Variants in NRG3 observed in about 807,000 individuals in gnomAD.
NRG3 encodes the protein pro-neuregulin-3, membrane-bound isoform.
Under a neutral mutation model 66.9 loss-of-function variants are expected in NRG3, and 31 were observed. The observed-to-expected ratio is 0.46, with a 90% CI of 0.35 to 0.63. The LOEUF (loss-of-function observed/expected upper bound fraction) is 0.63. NRG3 is among the 20% of genes least tolerant of loss of function. The pLI, the probability that NRG3 is intolerant of heterozygous loss-of-function variation, is 0.00. For missense variants in NRG3, 910 were observed against 878.9 expected (o/e 1.04, Z -0.45); for synonymous variants, 393 against 359.4 (o/e 1.09, Z -1.06).
chr10:82,053,170 G>A (rs1011292166), intron 1 of NRG3, among the ~76,000 whole-genome samples: 4 of 151,660 alleles, frequency 2.6e-5, no homozygotes, highest in African/African-American at 4.8e-5. Context: ...CAAAAATTGG[G>A]AGACATAGGC....
At chr10:82,681,624 A>G (rs111955772) in intron 2 of NRG3, among the ~76,000 whole-genome samples, 2 of 152,186 alleles carry the variant, frequency 1.3e-5, no homozygotes, top group East Asian at 3.9e-4. Flanking sequence ...GACAAATGTC[A>G]TTTGTCAGTA....
intron 1 of NRG3, among the ~76,000 whole-genome samples, chr10:82,349,358 C>A (rs2083255106): frequency 6.6e-6 from 1 of 151,752 alleles, no homozygotes; most frequent in South Asian, 2.1e-4. Flanking sequence ...CTGGGGGGTG[C>A]CTCCCAGTTA....
intron 1 of NRG3, among the ~76,000 whole-genome samples, chr10:82,177,410 G>T (rs1161546200): frequency 1.3e-5 from 2 of 152,136 alleles, no homozygotes; most frequent in Non-Finnish European, 2.9e-5. Context: ...TTACTTTGTA[G>T]ATAAACTTTT....
intron 1 of NRG3, among the ~76,000 whole-genome samples, chr10:82,001,405 A>G (rs1260057108): frequency 6.6e-6 from 1 of 152,098 alleles, no homozygotes; most frequent in East Asian, 1.9e-4. Context: ...TGGGAGGCTG[A>G]GGCAGGAGAA....
chr10:82,838,387 A>G (rs563790748), intron 3 of NRG3, among the ~76,000 whole-genome samples: 1 of 152,320 alleles, frequency 6.6e-6, no homozygotes, highest in Non-Finnish European at 1.5e-5. Context: ...TCATGATGAC[A>G]TTTGAAAATA....
At chr10:82,906,365 A>T (rs1006065093) in intron 4 of NRG3, among the ~76,000 whole-genome samples, 6 of 152,112 alleles carry the variant, frequency 3.9e-5, no homozygotes, top group East Asian at 3.9e-4. Context: ...ATAAGATCAC[A>T]CTCTAGTCCT....
chr10:82,655,891 T>C (rs2051809783), intron 2 of NRG3, among the ~76,000 whole-genome samples: 1 of 152,214 alleles, frequency 6.6e-6, no homozygotes, highest in African/African-American at 2.4e-5. Flanking sequence ...TGTCAGGACA[T>C]CTTTGTAAAA....
intron 1 of NRG3, among the ~76,000 whole-genome samples, chr10:82,346,942 T>G (rs1304774429): frequency 6.6e-6 from 1 of 152,144 alleles, no homozygotes; most frequent in Non-Finnish European, 1.5e-5. Flanking sequence ...TGCGTCTATT[T>G]GATTCTTCTC....
At chr10:82,645,788 G>A (rs1336905057) in intron 2 of NRG3, among the ~76,000 whole-genome samples, 1 of 152,088 alleles carries the variant, frequency 6.6e-6, no homozygotes, top group African/African-American at 2.4e-5. Flanking sequence ...ATTGAGACCT[G>A]CCTTCAGGCC....
rs1321670151 is a variant in NRG3 at position 82,749,801 on chromosome 10, A to C, written c.1027+11151A>C. Among the ~76,000 whole-genome samples, 3 of 152,108 alleles carry C rather than the reference A, an allele frequency of 2.0e-5. No individual in the cohort carries two copies. In the East Asian group the frequency reaches 5.8e-4, roughly 29 times the overall value. On this transcript the variant is annotated intron_variant, in intron 3 of 8. Coordinates refer to ENST00000372141, the MANE Select transcript of NRG3 (RefSeq NM_001010848.4). Reference sequence around the variant, plus strand: ...AGAAGGAAGCACTGAAAAAAAAAAAAAAAGATGGAAAATGGGGCCAAGACT... The same window carrying C: ...AGAAGGAAGCACTGAAAAAAAAAAACAAAGATGGAAAATGGGGCCAAGACT...
chr10:82,786,907 G>T (rs1313948433), intron 3 of NRG3, among the ~76,000 whole-genome samples: 1 of 152,022 alleles, frequency 6.6e-6, no homozygotes. Context: ...GTGCTGTCTT[G>T]CCCTTCCACC....
rs1213896305 is a variant in NRG3, at chr10:82,325,212, CACA to C, written c.824-33526_824-33524del. On this transcript the variant is annotated intron_variant, in intron 1 of 8. Transcript: ENST00000372141. ...CCTTTTTTTTTTGGAGACAGGTTTTCACACCGTTGCCCAGGCTGGAGTGCAGTG... is the reference window on the plus strand; with the variant it reads ...CCTTTTTTTTTTGGAGACAGGTTTTCCCGTTGCCCAGGCTGGAGTGCAGTG... 2.0e-5 allele frequency among the ~76,000 whole-genome samples: 3 copies of C among 151,294 alleles called. No homozygotes were observed. The East Asian group carries it at 5.8e-4, about 29-fold the overall frequency.
chr10:82,463,370 G>GCT (rs150239740), intron 2 of NRG3, among the ~76,000 whole-genome samples: 20 of 151,194 alleles, frequency 1.3e-4, no homozygotes, highest in South Asian at 1.0e-3. Flanking sequence ...TGAGCAAAAT[G>GCT]CTCTCTCTCT....
chr10:82,598,639 A>G (rs2047428132), intron 2 of NRG3, among the ~76,000 whole-genome samples: 1 of 152,236 alleles, frequency 6.6e-6, no homozygotes, highest in Non-Finnish European at 1.5e-5. Flanking sequence ...ATATCAAATT[A>G]TGCTTAGAAA....
intron 2 of NRG3, among the ~76,000 whole-genome samples, chr10:82,360,770 C>G (rs757606931): frequency 2.1e-4 from 32 of 152,050 alleles, no homozygotes; most frequent in Non-Finnish European, 4.4e-4. Context: ...TGAGGCCTCC[C>G]TCCTTGACTT....
At chr10:82,613,674 TTTTTA>T (rs763717553) in intron 2 of NRG3, among the ~76,000 whole-genome samples, 42 of 151,814 alleles carry the variant, frequency 2.8e-4, no homozygotes, top group Non-Finnish European at 5.0e-4. Flanking sequence ...GTGCCATTTA[TTTTTA>T]TTTTATTTTA....
intron 2 of NRG3, among the ~76,000 whole-genome samples, chr10:82,677,676 G>C (rs1158552067): frequency 6.6e-6 from 1 of 152,120 alleles, no homozygotes; most frequent in Non-Finnish European, 1.5e-5. Context: ...TTGATCCTCA[G>C]AAGAAAGAAT....
intron 2 of NRG3, among the ~76,000 whole-genome samples, chr10:82,512,159 CTTA>C (rs1230996697): frequency 3.3e-5 from 5 of 151,588 alleles, no homozygotes; most frequent in East Asian, 1.9e-4. Flanking sequence ...ACATTTTGAG[CTTA>C]TTATAAAATC....
chr10:82,016,324 A>G (rs2061785259), intron 1 of NRG3, among the ~76,000 whole-genome samples: 1 of 152,028 alleles, frequency 6.6e-6, no homozygotes, highest in African/African-American at 2.4e-5. Flanking sequence ...TTGAGTCTAG[A>G]TGGATGAGTA....
Sources: allele counts gnomAD v4.1 joint callset (sites outside exome capture counted in the v4.1 genomes callset), GRCh38; gene constraint gnomAD v4.1.1; transcripts MANE v1.5; gene names NCBI Gene and HGNC (gene_info 2026-07-23, HGNC 2026-07-21).